GALNT5: variants seen among roughly 807,000 people sequenced by gnomAD.
The protein encoded by GALNT5 is polypeptide N-acetylgalactosaminyltransferase 5, also known as UDP-GalNAc:polypeptide N-acetylgalactosaminyltransferase 5.
In GALNT5, 72 loss-of-function variants were observed where a neutral mutation model predicts 85.4. The observed-to-expected ratio is 0.84, with a 90% CI of 0.70 to 1.03. The LOEUF (loss-of-function observed/expected upper bound fraction) is 1.03. Ranked by LOEUF, GALNT5 falls within the 50% of genes least tolerant of loss-of-function variation. The probability of loss-of-function intolerance (pLI) is 0.00; values close to 1 mark genes in which losing one functional copy is unlikely to be tolerated. For synonymous variants in GALNT5, 404 were observed against 397.0 expected, an observed-to-expected ratio of 1.02 and a Z score of -0.21; for missense variants, 1,137 against 1,135.5, an observed-to-expected ratio of 1.00 and a Z score of -0.02.
Position 157,313,514 on chromosome 2 carries a change from A to G in GALNT5, c.*2166A>G, listed in dbSNP as rs1333942990. ...GATGGGGGGACGCAAGTCAGTTGTCAAAAGACTAATTGAGTTACTGACAAA... is the reference window on the plus strand; with the variant it reads ...GATGGGGGGACGCAAGTCAGTTGTCGAAAGACTAATTGAGTTACTGACAAA... On this transcript the variant is annotated 3_prime_UTR_variant, in exon 10 of 10. Transcript: ENST00000259056. 2.0e-5 allele frequency: 3 copies of G among 152,220 alleles called. No homozygotes were observed. The highest frequency in any genetic ancestry group is 4.4e-5 in the Non-Finnish European group (3 of 68,036). 9.4% of individuals were successfully genotyped at this position (152,220 alleles called of 1,614,324 possible).
chr2:157,290,696 C>T (rs1045247147), intron 3 of GALNT5, among the ~76,000 whole-genome samples: 2 of 151,996 alleles, frequency 1.3e-5, no homozygotes, highest in Non-Finnish European at 2.9e-5. Flanking sequence ...CTAAAATTTG[C>T]CCTTTAGGAC....
intron 3 of GALNT5, among the ~76,000 whole-genome samples, chr2:157,293,878 A>C (rs141946416): frequency 2.1e-4 from 32 of 152,344 alleles, no homozygotes; most frequent in African/African-American, 2.9e-4. Flanking sequence ...TAAAGAATGT[A>C]ATCTATGGAA....
Position 157,258,004 on chromosome 2 carries a change from GCTGCTGCTA to G in GALNT5, c.-76_-68del. The G allele has an allele frequency of 6.7e-7, 1 of 1,500,218 alleles. No homozygotes were observed. Among genetic ancestry groups the G allele is most frequent in the Non-Finnish European group, 9.2e-7 (1 of 1,089,600 alleles). The allele number at this position is 1,500,218 out of a possible 1,614,324, so 92.9% of individuals were successfully genotyped here. A position where few individuals can be genotyped will look rare whatever the true frequency, so the allele number is the denominator to read the frequency against. On this transcript the variant is annotated 5_prime_UTR_variant, in exon 1 of 10. Coordinates refer to ENST00000259056, the MANE Select transcript of GALNT5 (RefSeq NM_014568.3). ...TGGCAACTCTGCTGCTGCTGCTGCT[GCTGCTGCTA>G]CTTCAGCTTCCTCTCCACTCAAGGT... is the stretch of plus-strand genomic sequence containing the variant.
At chr2:157,261,725 ATG>A (rs1225469556) in intron 1 of GALNT5, among the ~76,000 whole-genome samples, 1 of 152,238 alleles carries the variant, frequency 6.6e-6, no homozygotes, top group Non-Finnish European at 1.5e-5. Context: ...GACTATAAAT[ATG>A]TGTAAATTAT....
Position 157,295,608 on chromosome 2 carries a change from C to T in GALNT5, c.1742-55C>T, listed in dbSNP as rs76562780. On this transcript the variant is annotated intron_variant, in intron 3 of 9. Coordinates refer to ENST00000259056, the MANE Select transcript of GALNT5 (RefSeq NM_014568.3). Reference sequence around the variant, plus strand: ...CATCAATACCTTTGAACATGAAGTACACACATTCAATATATCGTATTTTCT... The same window carrying T: ...CATCAATACCTTTGAACATGAAGTATACACATTCAATATATCGTATTTTCT... The T allele has an allele frequency of 1.4e-3, 1,951 of 1,420,674 alleles. 23 individuals are homozygous for T. In the African/African-American group the frequency reaches 0.024, roughly 17 times the overall value. 88.0% of individuals were successfully genotyped at this position (1,420,674 alleles called of 1,614,324 possible).
rs2105180210 is a variant in GALNT5, at chr2:157,317,664, A to C, written c.*6316A>C. On this transcript the variant is annotated 3_prime_UTR_variant, in exon 10 of 10. Transcript: ENST00000259056. ...CATCTGATCGACTGAAGTTATTATAAAGAAGGAATCAAGTATGTAACTTTA... is the reference window on the plus strand; with the variant it reads ...CATCTGATCGACTGAAGTTATTATACAGAAGGAATCAAGTATGTAACTTTA... 6.6e-6 allele frequency among the ~76,000 whole-genome samples: 1 copy of C among 152,270 alleles called. No homozygotes were observed. Among genetic ancestry groups the C allele is most frequent in the Non-Finnish European group, 1.5e-5 (1 of 67,998 alleles).
chr2:157,295,386 T>C (rs148652860), intron 3 of GALNT5, among the ~76,000 whole-genome samples: 3 of 152,310 alleles, frequency 2.0e-5, no homozygotes, highest in East Asian at 3.9e-4. Flanking sequence ...CTACATTTAA[T>C]ACCAAGTATT....
At chr2:157,304,552 T>C (rs1027113607) in intron 7 of GALNT5, among the ~76,000 whole-genome samples, 1 of 152,244 alleles carries the variant, frequency 6.6e-6, no homozygotes, top group Non-Finnish European at 1.5e-5. Flanking sequence ...CCTTTGCTAA[T>C]GGGCAAATTG....
Position 157,299,606 on chromosome 2 carries a change from G to T in GALNT5, c.2056G>T (p.Gly686Ter). Reference protein sequence around the residue: ...SIDKSYFFELGTYDPGLDVWG... With the variant: ...SIDKSYFFEL ...TGACAAAAGTTACTTTTTTGAACTT[G>T]GAACATACGACCCTGGCCTTGATGT... Residue 686 changes from glycine (G) to a stop codon, truncating the protein, a stop_gained, in exon 6 of 10, where the codon GGA (glycine) becomes TGA (stop). Coordinates refer to ENST00000259056, the MANE Select transcript of GALNT5 (RefSeq NM_014568.3). LOFTEE classifies it high-confidence loss of function. 1 of 1,613,394 alleles carries T rather than the reference G, an allele frequency of 6.2e-7. No individual in the cohort carries two copies. The highest frequency in any genetic ancestry group is 8.5e-7 in the Non-Finnish European group (1 of 1,179,390).
At chr2:157,292,433 C>T (rs1683120659) in intron 3 of GALNT5, among the ~76,000 whole-genome samples, 1 of 152,166 alleles carries the variant, frequency 6.6e-6, no homozygotes. Context: ...CTCCTCTTCC[C>T]CAAAATAAAA....
Position 157,308,683 on chromosome 2 carries a change from G to T in GALNT5, c.2637G>T (p.Gly879=). 1 of 1,613,646 alleles carries T rather than the reference G, an allele frequency of 6.2e-7. No homozygotes were observed. The highest frequency in any genetic ancestry group is 2.2e-5 in the East Asian group (1 of 44,842). ...ACCCTTGTGATAACAGAAACAAAGGGCTAAAATGGCTGCATAAATCAACAT... is the reference window on the plus strand; with the variant it reads ...ACCCTTGTGATAACAGAAACAAAGGTCTAAAATGGCTGCATAAATCAACAT... ...RLHPCDNRNK[G]LKWLHKSTSV... is the part of the protein sequence containing the mutation. Residue 879 remains glycine (G), a synonymous_variant, in exon 9 of 10, where the codon GGG becomes GGT. Coordinates refer to ENST00000259056, the MANE Select transcript of GALNT5 (RefSeq NM_014568.3).
In GALNT5 at chr2:157,305,800, A is replaced by G. The variant is rs984801256; in HGVS notation, c.2491A>G (p.Ile831Val). The G allele has an allele frequency of 6.2e-7, 1 of 1,609,036 alleles. No homozygotes were observed. The highest frequency in any genetic ancestry group is 8.5e-7 in the Non-Finnish European group (1 of 1,175,626). Residue 831 changes from isoleucine to valine, a missense_variant, in exon 8 of 10, where the codon ATT becomes GTT. By Grantham distance (29) the Ile-to-Val change is conservative. Transcript: ENST00000259056. ...KCISIENTTV[I>V]LEDCDGSKEL... ...CATTTCCATTGAAAACACTACAGTC[A>G]TTCTGGAAGACTGCGATGGGAGCAA... is the stretch of plus-strand genomic sequence containing the variant.
At chr2:157,292,297 CA>C (rs1474289752) in intron 3 of GALNT5, among the ~76,000 whole-genome samples, 4 of 152,226 alleles carry the variant, frequency 2.6e-5, no homozygotes, top group African/African-American at 9.6e-5. Context: ...CCACGCCAAT[CA>C]GAAATCCCAC....
intron 3 of GALNT5, among the ~76,000 whole-genome samples, chr2:157,295,351 A>G (rs547513529): frequency 6.6e-6 from 1 of 152,064 alleles, no homozygotes; most frequent in Non-Finnish European, 1.5e-5. Flanking sequence ...TAATGGGCAC[A>G]CTCTCTCAGA....
chr2:157,305,922 G>GA, intron 8 of GALNT5, 93 bp downstream of exon 8: 2 of 717,348 alleles, frequency 2.8e-6, no homozygotes, highest in Non-Finnish European at 4.8e-6. Context: ...TTGCCCAACA[G>GA]AAAAATAATT....
intron 1 of GALNT5, among the ~76,000 whole-genome samples, chr2:157,267,864 C>A (rs982924490): frequency 1.3e-5 from 2 of 152,180 alleles, no homozygotes; most frequent in African/African-American, 4.8e-5. Context: ...GGATAGTCTA[C>A]CCTAGAAAGA....
At chr2:157,300,642 T>C in intron 6 of GALNT5, 34 bp from the exon 7 acceptor site, 1 of 1,496,214 alleles carries the variant, frequency 6.7e-7, no homozygotes. Context: ...GGATAATCAT[T>C]TGATAATTGA....
At chr2:157,279,277 G>T (rs2105136563) in intron 1 of GALNT5, among the ~76,000 whole-genome samples, 1 of 152,320 alleles carries the variant, frequency 6.6e-6, no homozygotes, top group South Asian at 2.1e-4. Context: ...CTACACAGGG[G>T]TCAGGGACCC....
intron 1 of GALNT5, among the ~76,000 whole-genome samples, chr2:157,283,317 C>T (rs993439162): frequency 2.0e-5 from 3 of 152,100 alleles, no homozygotes; most frequent in African/African-American, 7.2e-5. Flanking sequence ...AGTAAGATGG[C>T]AAATACATTT....
Sources: allele counts gnomAD v4.1 joint callset (sites outside exome capture counted in the v4.1 genomes callset), GRCh38; gene constraint gnomAD v4.1.1; transcripts MANE v1.5; gene names NCBI Gene and HGNC (gene_info 2026-07-23, HGNC 2026-07-21).